The following ALK variants were observed in gnomAD, a reference collection of about 807,000 sequenced individuals.
ALK encodes the protein ALK receptor tyrosine kinase, also known as ALK tyrosine kinase receptor.
In ALK, 74 loss-of-function variants were observed where a neutral mutation model predicts 163.1. The observed-to-expected ratio is 0.45, with a 90% confidence interval of 0.38 to 0.55. The LOEUF is 0.55. ALK is among the 20% of genes least tolerant of loss of function. The probability of loss-of-function intolerance (pLI) is 0.00; values close to 1 mark genes in which losing one functional copy is unlikely to be tolerated. For missense variants in ALK, 2,063 were observed against 2,105.3 expected, an observed-to-expected ratio of 0.98 and a Z score of 0.39; for synonymous variants, 960 against 843.2, an observed-to-expected ratio of 1.14 and a Z score of -2.40.
intron 2 of ALK, among the ~76,000 whole-genome samples, chr2:29,716,245 T>C (rs1282516957): frequency 6.6e-6 from 1 of 152,236 alleles, no homozygotes; most frequent in African/African-American, 2.4e-5. Context: ...TCTGGAGGAC[T>C]TTTGCATTCA....
chr2:29,738,208 T>A (rs1428753996), intron 1 of ALK, among the ~76,000 whole-genome samples: 1 of 151,940 alleles, frequency 6.6e-6, no homozygotes, highest in African/African-American at 2.4e-5. Context: ...CTGCACCTAG[T>A]TACACAAAAC....
rs1665344950 is a variant in ALK at position 29,830,712 on chromosome 2, T to TAAAAAAAAAAAAAAAAAA, written c.667+89280_667+89281insTTTTTTTTTTTTTTTTTT. On this transcript the variant is annotated intron_variant, in intron 1 of 28. Coordinates refer to ENST00000389048, the MANE Select transcript of ALK (RefSeq NM_004304.5). Reference sequence around the variant, plus strand: ...AGCAAGACCCTGTCTCTAAAATAGTTTAAAAAAAAAAAAAAAAAAAAAAAA... The same window carrying TAAAAAAAAAAAAAAAAAA: ...AGCAAGACCCTGTCTCTAAAATAGTTAAAAAAAAAAAAAAAAAATAAAAAAAAAAAAAAAAAAAAAAAA... 6.3e-5 allele frequency among the ~76,000 whole-genome samples: 4 copies of TAAAAAAAAAAAAAAAAAA among 63,512 alleles called. 1 individual carries two copies. The highest frequency in any genetic ancestry group is 1.9e-4 in the African/African-American group (3 of 16,046). The allele number at this position is 63,512 out of a possible 152,430, so 41.7% of individuals were successfully genotyped here. A position where few individuals can be genotyped will look rare whatever the true frequency, so the allele number is the denominator to read the frequency against.
chr2:29,507,393 T>C (rs775421618), intron 4 of ALK, among the ~76,000 whole-genome samples: 9 of 152,158 alleles, frequency 5.9e-5, no homozygotes, highest in Non-Finnish European at 1.3e-4. Flanking sequence ...TGGGGAACTA[T>C]TGTTTATTGG....
At chr2:29,613,204 AT>A (rs1237066978) in intron 3 of ALK, among the ~76,000 whole-genome samples, 2 of 152,164 alleles carry the variant, frequency 1.3e-5, no homozygotes, top group Non-Finnish European at 2.9e-5. Context: ...ATTATCCCAA[AT>A]TATTTTTCGA....
intron 1 of ALK, among the ~76,000 whole-genome samples, chr2:29,778,859 T>C (rs1471089318): frequency 6.6e-6 from 1 of 152,008 alleles, no homozygotes; most frequent in African/African-American, 2.4e-5. Flanking sequence ...GAAAATGGAA[T>C]AAAGAAAACC....
At chr2:29,338,549 C>T (rs562476342) in intron 5 of ALK, among the ~76,000 whole-genome samples, 2 of 152,362 alleles carry the variant, frequency 1.3e-5, no homozygotes, top group African/African-American at 4.8e-5. Flanking sequence ...CTTTCCCCAA[C>T]TGCTTGCTCT....
At position 29,394,510 on chromosome 2, in the gene ALK, C is replaced by T. The variant is rs920188975; in HGVS notation, c.1155-10651G>A. Among the ~76,000 whole-genome samples the T allele has an allele frequency of 5.3e-5, 8 of 152,186 alleles. No individual in the cohort carries two copies. In the East Asian group the frequency reaches 1.3e-3, roughly 26 times the overall value. ...CAGGGAGCTGTGGGGAGGGACCCAG[C>T]TGAATTCTGGGCAGGGGAAGTGAGA... On this transcript the variant is annotated intron_variant, in intron 4 of 28. Transcript: ENST00000389048.
At chr2:29,464,696 C>T (rs928961256) in intron 4 of ALK, among the ~76,000 whole-genome samples, 14 of 152,082 alleles carry the variant, frequency 9.2e-5, no homozygotes, top group Admixed American at 3.9e-4. Context: ...AATGTGAGGA[C>T]GTGATTTTTG....
At chr2:29,762,206 A>G (rs1423179213) in intron 1 of ALK, among the ~76,000 whole-genome samples, 3 of 152,226 alleles carry the variant, frequency 2.0e-5, no homozygotes, top group African/African-American at 7.2e-5. Context: ...TGAACATCTA[A>G]TAGTTCATTC....
chr2:29,578,605 TCTTC>T (rs1674591533), intron 3 of ALK, among the ~76,000 whole-genome samples: 1 of 152,356 alleles, frequency 6.6e-6, no homozygotes, highest in Middle Eastern at 3.4e-3. Context: ...TCTCTGGCTT[TCTTC>T]CTTGTCTTCA....
Position 29,289,205 on chromosome 2 carries a change from C to T in ALK, c.1817+7683G>A, listed in dbSNP as rs542559024. On this transcript the variant is annotated intron_variant, in intron 9 of 28. Transcript: ENST00000389048. The stretch of plus-strand genomic sequence containing the variant: ...CTTCTCCTGTCCTCGATCATTATGG[C>T]CCCAAGAGGCACAGGCCATGGGCTC... Among the ~76,000 whole-genome samples, 460 of 152,220 alleles carry T rather than the reference C, an allele frequency of 3.0e-3. 4 individuals are homozygous for T. The highest frequency in any genetic ancestry group is 0.01 in the African/African-American group (430 of 41,536).
intron 8 of ALK, among the ~76,000 whole-genome samples, chr2:29,312,438 C>T (rs1166408967): frequency 1.3e-5 from 2 of 152,134 alleles, no homozygotes; most frequent in Middle Eastern, 6.3e-3. Flanking sequence ...CAAGCCCTGT[C>T]CTTCCCACTG....
chr2:29,818,138 T>C (rs1205771171), intron 1 of ALK, among the ~76,000 whole-genome samples: 2 of 152,166 alleles, frequency 1.3e-5, no homozygotes, highest in Admixed American at 6.6e-5. Context: ...CCTATTACTG[T>C]TTGCTTCCAT....
At chr2:29,503,457 G>A (rs1672237456) in intron 4 of ALK, among the ~76,000 whole-genome samples, 1 of 152,160 alleles carries the variant, frequency 6.6e-6, no homozygotes, top group Admixed American at 6.5e-5. Context: ...CTTTCATCAG[G>A]GAAATTAGAT....
intron 1 of ALK, among the ~76,000 whole-genome samples, chr2:29,905,881 C>T (rs753521028): frequency 4.6e-5 from 7 of 152,088 alleles, no homozygotes; most frequent in South Asian, 2.1e-4. Flanking sequence ...AGATTGAGAC[C>T]GCTGTCTGGC....
In ALK at chr2:29,618,294, T is replaced by G. The variant is rs531882856; in HGVS notation, c.952+76556A>C. 2.1e-4 allele frequency among the ~76,000 whole-genome samples: 32 copies of G among 152,332 alleles called. No individual in the cohort carries two copies. The South Asian group carries it at 3.9e-3, about 19-fold the overall frequency. On this transcript the variant is annotated intron_variant, in intron 3 of 28. Coordinates refer to ENST00000389048, the MANE Select transcript of ALK (RefSeq NM_004304.5). The stretch of plus-strand genomic sequence containing the variant: ...AGGTTCAAAGTCCAACTTTTTTTCC[T>G]GAAACAACTGACCTCTGCTTTGTGG...
chr2:29,544,470 T>A (rs991225710), intron 3 of ALK, among the ~76,000 whole-genome samples: 17 of 152,192 alleles, frequency 1.1e-4, no homozygotes, highest in Admixed American at 2.6e-4. Context: ...AGAACCCTTT[T>A]GTTACTGTGT....
intron 1 of ALK, among the ~76,000 whole-genome samples, chr2:29,775,827 T>C (rs1328498843): frequency 1.3e-5 from 2 of 152,236 alleles, no homozygotes; most frequent in Non-Finnish European, 2.9e-5. Flanking sequence ...GATAGTAGAA[T>C]GATCAATGAC....
chr2:29,276,269 G>T (rs193043089), intron 9 of ALK, among the ~76,000 whole-genome samples: 38 of 152,276 alleles, frequency 2.5e-4, no homozygotes, highest in African/African-American at 8.2e-4. Flanking sequence ...GGTCATAAAA[G>T]TGTTAACAAC....
Sources: allele counts gnomAD v4.1 joint callset (sites outside exome capture counted in the v4.1 genomes callset), GRCh38; gene constraint gnomAD v4.1.1; transcripts MANE v1.5; gene names NCBI Gene and HGNC (gene_info 2026-07-23, HGNC 2026-07-21).